The following GRID1 variants were observed in gnomAD, a reference collection of about 807,000 sequenced individuals.
GRID1 encodes the protein glutamate ionotropic receptor delta type subunit 1, also known as glutamate receptor ionotropic, delta-1.
GRID1 carries 28 observed loss-of-function variants against 98.0 expected under a neutral mutation model. That is an observed-to-expected ratio of 0.29 (90% CI 0.21 to 0.39). The LOEUF (loss-of-function observed/expected upper bound fraction) is 0.39, where lower values mean the gene tolerates loss of function less well. Ranked by LOEUF, GRID1 falls within the 10% of genes least tolerant of loss-of-function variation. The pLI is 1.00. For synonymous variants in GRID1, 553 were observed against 538.5 expected (o/e 1.03, Z -0.37); for missense variants, 1,111 against 1,340.5 (o/e 0.83, Z 2.67).
At chr10:85,786,482 G>A (rs767196849) in intron 8 of GRID1, among the ~76,000 whole-genome samples, 3 of 152,110 alleles carry the variant, frequency 2.0e-5, no homozygotes, top group East Asian at 3.9e-4. Flanking sequence ...CAGGCATGCC[G>A]GACTCCACAG....
In GRID1 at chr10:86,366,447, G is replaced by T. The variant is rs968213655; in HGVS notation, c.-55C>A. The T allele has an allele frequency of 1.5e-6, 2 of 1,308,274 alleles. No homozygotes were observed. The highest frequency in any genetic ancestry group is 1.6e-5 in the African/African-American group (1 of 64,066). 81.0% of individuals were successfully genotyped at this position (1,308,274 alleles called of 1,614,324 possible). ...GGCCCGGGGCGAGGCCGAGGGCAGC[G>T]CGAAGCGGGGAGGCGCTGGTCCCGG... On this transcript the variant is annotated 5_prime_UTR_variant, in exon 1 of 16. Coordinates refer to ENST00000327946, the MANE Select transcript of GRID1 (RefSeq NM_017551.3). The surrounding 1 kb of genome is among the most constrained non-coding windows in gnomAD (Gnocchi z 4.1).
At chr10:86,323,306 C>A (rs1269156482) in intron 2 of GRID1, among the ~76,000 whole-genome samples, 4 of 152,186 alleles carry the variant, frequency 2.6e-5, no homozygotes. Context: ...GCAGCCCCGA[C>A]CTCACAGAGT....
At chr10:85,780,252 C>CCT (rs1250088373) in intron 8 of GRID1, among the ~76,000 whole-genome samples, 11 of 152,192 alleles carry the variant, frequency 7.2e-5, no homozygotes, top group African/African-American at 2.7e-4. Context: ...GCCATGGGCA[C>CCT]TGCAGTCCAG....
At chr10:86,323,459 T>C (rs1026385481) in intron 2 of GRID1, among the ~76,000 whole-genome samples, 1 of 152,180 alleles carries the variant, frequency 6.6e-6, no homozygotes, top group African/African-American at 2.4e-5. Flanking sequence ...AGGAGAGAAA[T>C]GGCATAAACC....
At chr10:86,213,963 A>G (rs950458335) in intron 2 of GRID1, among the ~76,000 whole-genome samples, 4 of 152,030 alleles carry the variant, frequency 2.6e-5, no homozygotes, top group Non-Finnish European at 5.9e-5. Context: ...TCCCAAATAT[A>G]TCTTGAGCCT....
chr10:85,893,843 G>A (rs925326392), intron 5 of GRID1, among the ~76,000 whole-genome samples: 2 of 152,204 alleles, frequency 1.3e-5, no homozygotes, highest in African/African-American at 4.8e-5. Context: ...AAACTGACAA[G>A]TTAATTCTAA....
At chr10:86,129,250 C>G (rs1382766193) in intron 4 of GRID1, among the ~76,000 whole-genome samples, 2 of 152,172 alleles carry the variant, frequency 1.3e-5, no homozygotes, top group East Asian at 1.9e-4. Context: ...TCCAGTCCCC[C>G]TCCTCATGCT....
chr10:85,911,750 T>C (rs1325643542), intron 5 of GRID1, among the ~76,000 whole-genome samples: 8 of 152,170 alleles, frequency 5.3e-5, no homozygotes, highest in Non-Finnish European at 5.9e-5. Flanking sequence ...TGGAGAGTCA[T>C]ACTGATTTTT....
chr10:85,746,631 G>A (rs75154610), intron 8 of GRID1, among the ~76,000 whole-genome samples: 4,994 of 152,156 alleles, frequency 0.033, 127 homozygotes, highest in Middle Eastern at 0.048. Flanking sequence ...TGCTGAAGAG[G>A]CTACATGTAG....
At chr10:85,776,699 G>A (rs749425583) in intron 8 of GRID1, among the ~76,000 whole-genome samples, 30 of 152,302 alleles carry the variant, frequency 2.0e-4, no homozygotes, top group Middle Eastern at 3.4e-3. Context: ...AAATGCTACC[G>A]GTGATCCAGG....
chr10:86,069,453 C>T (rs1843767900), intron 4 of GRID1, among the ~76,000 whole-genome samples: 1 of 152,126 alleles, frequency 6.6e-6, no homozygotes, highest in South Asian at 2.1e-4. Context: ...TCGAGACCAC[C>T]CTGGCTAACA....
intron 12 of GRID1, among the ~76,000 whole-genome samples, chr10:85,682,639 A>T (rs1841223644): frequency 6.6e-6 from 1 of 152,258 alleles, no homozygotes; most frequent in Non-Finnish European, 1.5e-5. Flanking sequence ...CATCTTTGGT[A>T]GGTGGAAAAA....
At chr10:85,955,862 G>A (rs1366493423) in intron 4 of GRID1, among the ~76,000 whole-genome samples, 1 of 152,156 alleles carries the variant, frequency 6.6e-6, no homozygotes, top group African/African-American at 2.4e-5. Context: ...GACCCCTGAG[G>A]CTTCTCCAGC....
chr10:86,140,167 G>C (rs560858248), intron 3 of GRID1, among the ~76,000 whole-genome samples: 156 of 152,234 alleles, frequency 1.0e-3, no homozygotes, highest in African/African-American at 3.6e-3. Context: ...CACAGCCTTG[G>C]ATGTTTCTTG....
intron 4 of GRID1, among the ~76,000 whole-genome samples, chr10:86,074,313 CCT>C (rs1317857396): frequency 6.6e-6 from 1 of 152,096 alleles, no homozygotes; most frequent in Non-Finnish European, 1.5e-5. Flanking sequence ...TTCATCCTCC[CCT>C]CTCCCTCCCA....
chr10:86,221,493 G>A (rs1846253881), intron 2 of GRID1, among the ~76,000 whole-genome samples: 1 of 152,158 alleles, frequency 6.6e-6, no homozygotes, highest in South Asian at 2.1e-4. Flanking sequence ...GGAAGCCTTT[G>A]TGGGCTGTGG....
chr10:86,181,086 C>A (rs940817052), intron 3 of GRID1, among the ~76,000 whole-genome samples: 2 of 152,170 alleles, frequency 1.3e-5, no homozygotes, highest in African/African-American at 4.8e-5. Flanking sequence ...AAGCCACACA[C>A]ACCCCCAACC....
At chr10:86,114,410 A>C (rs1479054537) in intron 4 of GRID1, among the ~76,000 whole-genome samples, 1 of 152,192 alleles carries the variant, frequency 6.6e-6, no homozygotes, top group East Asian at 1.9e-4. Context: ...TTCCTCTGCC[A>C]GTGCTCCCAC....
intron 6 of GRID1, among the ~76,000 whole-genome samples, chr10:85,868,620 T>C (rs1843245818): frequency 6.6e-6 from 1 of 152,192 alleles, no homozygotes; most frequent in Admixed American, 6.5e-5. Flanking sequence ...GCAAGGGTCG[T>C]GTCTATATTA....
Sources: allele counts gnomAD v4.1 joint callset (sites outside exome capture counted in the v4.1 genomes callset), GRCh38; gene constraint gnomAD v4.1.1; non-coding constraint Gnocchi (gnomAD v3.1); transcripts MANE v1.5; gene names NCBI Gene and HGNC (gene_info 2026-07-23, HGNC 2026-07-21).